ANO10: variants seen among roughly 807,000 people sequenced by gnomAD.
ANO10 encodes anoctamin-10.
In ANO10, 77 loss-of-function variants were observed where a neutral mutation model predicts 74.7. That is an observed-to-expected ratio of 1.03 (90% CI 0.86 to 1.25). The LOEUF (loss-of-function observed/expected upper bound fraction) is 1.25. Ranked by LOEUF, ANO10 falls within the 50% of genes most tolerant of loss-of-function variation. The probability of loss-of-function intolerance (pLI) is 0.00; values close to 1 mark genes in which losing one functional copy is unlikely to be tolerated. For synonymous variants in ANO10, 279 were observed against 284.9 expected (o/e 0.98, Z 0.21); for missense variants, 721 against 778.1 (o/e 0.93, Z 0.87).
At chr3:43,426,139 T>A (rs530114007) in intron 12 of ANO10, among the ~76,000 whole-genome samples, 69 of 152,152 alleles carry the variant, frequency 4.5e-4, no homozygotes, top group Non-Finnish European at 5.9e-4. Flanking sequence ...ATCGCATCAA[T>A]GTATACCTCA....
intron 11 of ANO10, among the ~76,000 whole-genome samples, chr3:43,464,918 T>C (rs923658590): frequency 1.3e-5 from 2 of 152,220 alleles, no homozygotes; most frequent in Admixed American, 6.5e-5. Flanking sequence ...AAAAACTTAA[T>C]TGCTTTTTCC....
At chr3:43,450,116 T>C (rs1453376524) in intron 11 of ANO10, among the ~76,000 whole-genome samples, 1 of 152,236 alleles carries the variant, frequency 6.6e-6, no homozygotes, top group African/African-American at 2.4e-5. Context: ...CAGTTGACTT[T>C]TATTCTACTA....
At chr3:43,644,500 T>C (rs1375580228) in intron 1 of ANO10, among the ~76,000 whole-genome samples, 1 of 152,162 alleles carries the variant, frequency 6.6e-6, no homozygotes, top group African/African-American at 2.4e-5. Context: ...GCACAGTGTG[T>C]CTGTGCTGTC....
intron 1 of ANO10, among the ~76,000 whole-genome samples, chr3:43,668,255 T>C (rs2084015596): frequency 1.3e-5 from 2 of 152,244 alleles, no homozygotes; most frequent in East Asian, 3.9e-4. Flanking sequence ...TCTATTCATG[T>C]CCTTAGCCCA....
intron 1 of ANO10, among the ~76,000 whole-genome samples, chr3:43,680,336 G>A (rs1413925882): frequency 6.6e-6 from 1 of 152,236 alleles, no homozygotes; most frequent in East Asian, 1.9e-4. Flanking sequence ...AAGGGTATCA[G>A]TGATTGAAGA....
At chr3:43,417,197 A>T (rs2092752775) in intron 12 of ANO10, among the ~76,000 whole-genome samples, 1 of 152,234 alleles carries the variant, frequency 6.6e-6, no homozygotes, top group Non-Finnish European at 1.5e-5. Flanking sequence ...CAAGCTGGGA[A>T]CTTGCACGGG....
At position 43,605,724 on chromosome 3, in the gene ANO10, T is replaced by C. The variant is rs1484256080; in HGVS notation, c.129A>G (p.Lys43=). ...EWLKNRIIAK[K]KDGGAQLLFR... ...GACTATTTTACTCACCTCCATCTTT[T>C]TTTTTAGCTATAATTCTGTTTTTCA... Residue 43 remains lysine, a synonymous_variant, in exon 2 of 13, where the codon AAA becomes AAG. Transcript: ENST00000292246. The C allele has an allele frequency of 3.1e-6, 5 of 1,613,628 alleles. No homozygotes were observed. Among genetic ancestry groups the C allele is most frequent in the African/African-American group, 1.3e-5 (1 of 74,914 alleles).
chr3:43,393,650 T>C (rs977075276), intron 12 of ANO10, among the ~76,000 whole-genome samples: 4 of 152,218 alleles, frequency 2.6e-5, no homozygotes, highest in Admixed American at 1.3e-4. Flanking sequence ...CTGGTCTCCA[T>C]GTCTCCTGCA....
chr3:43,689,681 C>A (rs2084325717), intron 1 of ANO10, among the ~76,000 whole-genome samples: 1 of 152,146 alleles, frequency 6.6e-6, no homozygotes, highest in Admixed American at 6.5e-5. Flanking sequence ...TATTTAAAAG[C>A]TGTAACAATT....
upstream of ANO10, among the ~76,000 whole-genome samples, chr3:43,626,154 G>A (rs1269177896): frequency 1.3e-5 from 2 of 151,858 alleles, no homozygotes; most frequent in Non-Finnish European, 2.9e-5. Flanking sequence ...GGCTGGTCTC[G>A]AACTCTTGAC....
At chr3:43,556,435 C>T (rs949292925) in intron 9 of ANO10, among the ~76,000 whole-genome samples, 10 of 152,022 alleles carry the variant, frequency 6.6e-5, no homozygotes, top group Admixed American at 1.3e-4. Flanking sequence ...AACACAGCAG[C>T]GTGCTCCACA....
Position 43,670,420 on chromosome 3 carries a change from T to G in ANO10, c.-12+21097A>C, listed in dbSNP as rs1427330269. Reference sequence around the variant, plus strand: ...TTGGGAGATTTATGCTTAAGAGTCTTAATTTTTTAAAAATCAGAATTTGGT... The same window carrying G: ...TTGGGAGATTTATGCTTAAGAGTCTGAATTTTTTAAAAATCAGAATTTGGT... On this transcript the variant is annotated intron_variant, in intron 1 of 3. Transcript: ENST00000413397. 2.0e-5 allele frequency among the ~76,000 whole-genome samples: 3 copies of G among 152,134 alleles called. No individual in the cohort carries two copies. In the East Asian group the frequency reaches 5.8e-4, roughly 29 times the overall value.
At position 43,598,524 on chromosome 3, in the gene ANO10, T is replaced by A; in HGVS notation, c.472+8A>T. On this transcript the variant is annotated splice_region_variant and intron_variant, in intron 4 of 12. Transcript: ENST00000292246. ...TTAAGAAAAAGACTGGTTGACATAATGACTTACACAATGATTTTCCTGGAT... is the reference window on the plus strand; with the variant it reads ...TTAAGAAAAAGACTGGTTGACATAAAGACTTACACAATGATTTTCCTGGAT... 1.9e-6 allele frequency: 3 copies of A among 1,612,650 alleles called. No homozygotes were observed. In the South Asian group the frequency reaches 3.3e-5, roughly 18 times the overall value.
chr3:43,469,295 C>T lies in ANO10; in HGVS notation c.1798-36568G>A, dbSNP rs545760268. On this transcript the variant is annotated intron_variant, in intron 11 of 12. Coordinates refer to ENST00000292246, the MANE Select transcript of ANO10 (RefSeq NM_018075.5). ...ACTCCTGACCTCGTGATCCACCCAC[C>T]TTGGCCTCCCAAACTGCTGGGATTA... Among the ~76,000 whole-genome samples the T allele has an allele frequency of 2.0e-4, 31 of 152,148 alleles. No homozygotes were observed. In the South Asian group the frequency reaches 6.0e-3, roughly 30 times the overall value.
chr3:43,686,884 T>C (rs557932094), intron 1 of ANO10, among the ~76,000 whole-genome samples: 4 of 152,212 alleles, frequency 2.6e-5, no homozygotes, highest in African/African-American at 9.6e-5. Context: ...AACTAGGAGC[T>C]AGTTAGAAAT....
intron 11 of ANO10, among the ~76,000 whole-genome samples, chr3:43,440,193 C>T (rs1380208057): frequency 6.6e-6 from 1 of 152,062 alleles, no homozygotes; most frequent in Non-Finnish European, 1.5e-5. Flanking sequence ...TGTAAGTCTG[C>T]TCTATCAGTA....
At chr3:43,528,035 T>C (rs185812702) in intron 11 of ANO10, among the ~76,000 whole-genome samples, 49 of 151,970 alleles carry the variant, frequency 3.2e-4, no homozygotes, top group Non-Finnish European at 5.9e-4. Flanking sequence ...AGAACAATAC[T>C]CACACCTCTC....
chr3:43,689,803 G>C (rs2084327693), intron 1 of ANO10, among the ~76,000 whole-genome samples: 1 of 152,196 alleles, frequency 6.6e-6, no homozygotes, highest in South Asian at 2.1e-4. Context: ...AATGAACTGA[G>C]TCTAAAATAA....
intron 11 of ANO10, among the ~76,000 whole-genome samples, chr3:43,524,512 T>C (rs949347949): frequency 6.6e-6 from 1 of 152,148 alleles, no homozygotes; most frequent in African/African-American, 2.4e-5. Flanking sequence ...CTCAAGATGC[T>C]TCCTTCCCTC....
Sources: gnomAD v4.1 joint callset for allele counts (sites outside exome capture counted in the v4.1 genomes callset) on GRCh38, gnomAD v4.1.1 for gene constraint, MANE v1.5 for transcripts, NCBI Gene and HGNC (gene_info 2026-07-23, HGNC 2026-07-21) for gene names.